The following OLFM3 variants were observed in gnomAD, a reference collection of about 807,000 sequenced individuals.
OLFM3 encodes the protein noelin-3.
OLFM3 carries 20 observed loss-of-function variants against 48.6 expected under a neutral mutation model. The ratio of observed to expected loss-of-function variants is 0.41; its 90% confidence interval spans 0.29 to 0.60. OLFM3 has a LOEUF of 0.60. OLFM3 is among the 20% of genes least tolerant of loss of function. OLFM3 has a pLI of 0.28. For synonymous variants in OLFM3, 222 were observed against 198.1 expected (o/e 1.12, Z -1.01); for missense variants, 437 against 544.3 (o/e 0.80, Z 1.96).
intron 4 of OLFM3, among the ~76,000 whole-genome samples, chr1:101,823,052 A>C (rs1654683634): frequency 6.6e-6 from 1 of 152,054 alleles, no homozygotes; most frequent in African/African-American, 2.4e-5. Flanking sequence ...TGAAAAGTGT[A>C]GAAATTATTC....
intron 1 of OLFM3, among the ~76,000 whole-genome samples, chr1:101,920,553 C>A (rs1217572664): frequency 3.3e-5 from 5 of 152,200 alleles, no homozygotes. Context: ...AATCTGATGA[C>A]AGCAAAAATG....
chr1:101,842,905 C>A (rs1338711290), intron 1 of OLFM3, among the ~76,000 whole-genome samples: 2 of 152,194 alleles, frequency 1.3e-5, no homozygotes, highest in Non-Finnish European at 2.9e-5. Context: ...TCTCTGTCAC[C>A]ATCAAGATTT....
At chr1:101,907,537 C>A (rs17125708) in intron 1 of OLFM3, among the ~76,000 whole-genome samples, 1 of 152,158 alleles carries the variant, frequency 6.6e-6, no homozygotes, top group Non-Finnish European at 1.5e-5. Context: ...ATTGCAGAAG[C>A]GACCCAGGAC....
At chr1:101,857,762 T>G (rs1656489087) in intron 1 of OLFM3, among the ~76,000 whole-genome samples, 1 of 152,042 alleles carries the variant, frequency 6.6e-6, no homozygotes. Context: ...CTAGGTGTTC[T>G]GCACTGAAGT....
intron 2 of OLFM3, among the ~76,000 whole-genome samples, chr1:101,832,527 C>T (rs1242128151): frequency 2.0e-5 from 3 of 152,178 alleles, no homozygotes; most frequent in Non-Finnish European, 2.9e-5. Flanking sequence ...TACAGTCTGG[C>T]TTATCTTAAA....
At chr1:101,953,109 T>C (rs1221690587) in intron 1 of OLFM3, among the ~76,000 whole-genome samples, 2 of 152,174 alleles carry the variant, frequency 1.3e-5, no homozygotes, top group Non-Finnish European at 2.9e-5. Context: ...TAATGAAACA[T>C]TGAAATGATA....
chr1:101,959,086 AC>A (rs1375677377), intron 1 of OLFM3, among the ~76,000 whole-genome samples: 5 of 143,754 alleles, frequency 3.5e-5, no homozygotes, highest in Non-Finnish European at 6.1e-5. Context: ...GTGTTAGAAA[AC>A]AATTTTAGAT....
chr1:101,917,087 C>T (rs573556617), intron 1 of OLFM3, among the ~76,000 whole-genome samples: 2 of 151,920 alleles, frequency 1.3e-5, no homozygotes, highest in Non-Finnish European at 2.9e-5. Context: ...TTATTTGAGG[C>T]TATTTATGTT....
chr1:101,811,424 T>A (rs1654044323), intron 4 of OLFM3, among the ~76,000 whole-genome samples: 1 of 151,944 alleles, frequency 6.6e-6, no homozygotes, highest in South Asian at 2.1e-4. Context: ...GAGAGAAAAT[T>A]TTTGCAATCT....
chr1:101,840,380 T>C (rs993710163), intron 1 of OLFM3, among the ~76,000 whole-genome samples: 3 of 152,046 alleles, frequency 2.0e-5, no homozygotes, highest in Admixed American at 2.0e-4. Context: ...TTCAAAGTCA[T>C]GCAGGGAGTA....
At chr1:101,960,574 G>A (rs1041211040) in intron 1 of OLFM3, among the ~76,000 whole-genome samples, 1 of 152,190 alleles carries the variant, frequency 6.6e-6, no homozygotes, top group African/African-American at 2.4e-5. Flanking sequence ...TTGCAACAGA[G>A]CAGTCTGGCT....
At position 101,996,843 on chromosome 1, in the gene OLFM3, ACT is replaced by A. The variant is rs1164096888; in HGVS notation, c.-29_-28del. On this transcript the variant is annotated 5_prime_UTR_variant, in exon 1 of 6. Coordinates refer to ENST00000370103, the MANE Select transcript of OLFM3 (RefSeq NM_058170.4). ...CTGATCTGGGTTTTTGCCCCTCTTT[ACT>A]CTCTTTTATGTAGGCTCTCCACTCA... 2.5e-6 allele frequency: 4 copies of A among 1,612,540 alleles called. No individual in the cohort carries two copies. The highest frequency in any genetic ancestry group is 3.4e-6 in the Non-Finnish European group (4 of 1,178,996).
At chr1:101,975,149 C>T (rs991992009) in intron 1 of OLFM3, among the ~76,000 whole-genome samples, 2 of 152,170 alleles carry the variant, frequency 1.3e-5, no homozygotes, top group East Asian at 1.9e-4. Context: ...GAAATTAACT[C>T]TATATCTAGA....
At chr1:101,939,829 G>A (rs1659731951) in intron 1 of OLFM3, among the ~76,000 whole-genome samples, 1 of 152,038 alleles carries the variant, frequency 6.6e-6, no homozygotes. Context: ...GTTGGTGAGA[G>A]GTTATACTTA....
At chr1:101,918,394 T>A (rs1403469280) in intron 1 of OLFM3, among the ~76,000 whole-genome samples, 2 of 152,206 alleles carry the variant, frequency 1.3e-5, no homozygotes, top group Non-Finnish European at 2.9e-5. Flanking sequence ...TATTGATGCA[T>A]GAGTTCCTTC....
At position 101,887,660 on chromosome 1, in the gene OLFM3, ATACT is replaced by A. The variant is rs998179123; in HGVS notation, c.70-50639_70-50636del. Among the ~76,000 whole-genome samples, 6 of 152,066 alleles carry A rather than the reference ATACT, an allele frequency of 3.9e-5. No homozygotes were observed. In the South Asian group the frequency reaches 1.2e-3, roughly 31 times the overall value. ...AGTAGTAATATAATCATCTTGGAAA[ATACT>A]TACTTTCCAAAATAAAATCATCTTG... On this transcript the variant is annotated intron_variant, in intron 1 of 5. Transcript: ENST00000370103.
intron 1 of OLFM3, among the ~76,000 whole-genome samples, chr1:101,890,354 G>GAC (rs3079207): frequency 0.01 from 1,542 of 150,530 alleles, 32 homozygotes; most frequent in African/African-American, 0.034. Flanking sequence ...TATGCCTATA[G>GAC]ACACACACAC....
intron 1 of OLFM3, among the ~76,000 whole-genome samples, chr1:101,938,716 T>C (rs1341435211): frequency 2.0e-5 from 3 of 152,218 alleles, no homozygotes; most frequent in Non-Finnish European, 2.9e-5. Flanking sequence ...TGGCACATAC[T>C]AGAGGGATCT....
chr1:101,955,522 T>C (rs1214731632), intron 1 of OLFM3, among the ~76,000 whole-genome samples: 1 of 151,776 alleles, frequency 6.6e-6, no homozygotes, highest in Non-Finnish European at 1.5e-5. Flanking sequence ...TTTATACTGC[T>C]AATGCCCATC....
Sources: gnomAD v4.1 joint callset for allele counts (sites outside exome capture counted in the v4.1 genomes callset) on GRCh38, gnomAD v4.1.1 for gene constraint, MANE v1.5 for transcripts, NCBI Gene and HGNC (gene_info 2026-07-23, HGNC 2026-07-21) for gene names.